NAA35: variants seen among roughly 807,000 people sequenced by gnomAD.
NAA35 encodes MAK10 homolog, amino-acid N-acetyltransferase subunit.
NAA35 carries 18 observed loss-of-function variants against 101.7 expected under a neutral mutation model. The observed-to-expected ratio is 0.18, with a 90% confidence interval of 0.12 to 0.26. NAA35 has a LOEUF of 0.26. NAA35 is among the 10% of genes least tolerant of loss of function. The pLI, the probability that NAA35 is intolerant of heterozygous loss-of-function variation, is 1.00. For missense variants in NAA35, 601 were observed against 886.8 expected (o/e 0.68, Z 4.09); for synonymous variants, 267 against 273.1 (o/e 0.98, Z 0.22).
intron 11 of NAA35, among the ~76,000 whole-genome samples, chr9:85,982,899 A>G (rs1218497175): frequency 6.6e-6 from 1 of 152,226 alleles, no homozygotes; most frequent in Non-Finnish European, 1.5e-5. Flanking sequence ...CTATCTCCAA[A>G]TAACTATTTT....
chr9:85,941,276 AG>A lies in NAA35; in HGVS notation c.-6+6del, dbSNP rs1828498727. 24 of 985,612 alleles carry A rather than the reference AG, an allele frequency of 2.4e-5. No homozygotes were observed. The highest frequency in any genetic ancestry group is 2.8e-5 in the Non-Finnish European group (23 of 830,114). 61.1% of individuals were successfully genotyped at this position (985,612 alleles called of 1,614,324 possible). A position where few individuals can be genotyped will look rare whatever the true frequency, so the allele number is the denominator to read the frequency against. ...GCGGGTGACCACGGGAGAAGTAGGT[AG>A]GGACCGCCCCTGCGTAGCCATTGAA... On this transcript the variant is annotated splice_donor_region_variant and intron_variant, in intron 1 of 22. Coordinates refer to ENST00000361671, the MANE Select transcript of NAA35 (RefSeq NM_024635.4).
At chr9:86,002,124 A>G (rs1237384212) in intron 12 of NAA35, among the ~76,000 whole-genome samples, 2 of 152,102 alleles carry the variant, frequency 1.3e-5, no homozygotes, top group African/African-American at 4.8e-5. Context: ...TTCACTTAGG[A>G]AGGTTAGTTT....
chr9:85,969,270 CAAAAAAA>C (rs61275261), intron 6 of NAA35, among the ~76,000 whole-genome samples: 3 of 105,636 alleles, frequency 2.8e-5, no homozygotes, highest in Non-Finnish European at 6.5e-5. Flanking sequence ...CCTGGTATGT[CAAAAAAA>C]AAAAAAAAAA....
chr9:85,975,747 GTATTTT>G (rs1187724413), intron 8 of NAA35, among the ~76,000 whole-genome samples: 1 of 152,026 alleles, frequency 6.6e-6, no homozygotes, highest in African/African-American at 2.4e-5. Context: ...TTTTACTATG[GTATTTT>G]AAAAATAGTA....
intron 6 of NAA35, among the ~76,000 whole-genome samples, chr9:85,967,830 T>C (rs1022387146): frequency 3.6e-4 from 54 of 152,086 alleles, no homozygotes; most frequent in Non-Finnish European, 5.9e-5. Flanking sequence ...ATGAGCAAAT[T>C]ATTGATTTAA....
At chr9:86,003,285 C>G (rs1341713944) in intron 12 of NAA35, among the ~76,000 whole-genome samples, 2 of 152,156 alleles carry the variant, frequency 1.3e-5, no homozygotes, top group African/African-American at 4.8e-5. Flanking sequence ...AACTAAAGTT[C>G]TGCCATGACT....
At chr9:85,982,551 T>C (rs1830478751) in intron 11 of NAA35, among the ~76,000 whole-genome samples, 1 of 152,206 alleles carries the variant, frequency 6.6e-6, no homozygotes, top group African/African-American at 2.4e-5. Context: ...TGGGTCTAGT[T>C]TACCCTTTAG....
intron 15 of NAA35, among the ~76,000 whole-genome samples, chr9:86,010,322 A>G (rs1466515983): frequency 6.6e-6 from 1 of 151,916 alleles, no homozygotes; most frequent in African/African-American, 2.4e-5. Flanking sequence ...TTCATCTAAT[A>G]TTTCTTGTTT....
At chr9:85,947,931 C>G (rs945562511) in intron 2 of NAA35, among the ~76,000 whole-genome samples, 6 of 152,160 alleles carry the variant, frequency 3.9e-5, no homozygotes, top group African/African-American at 1.4e-4. Flanking sequence ...TTTGAGGGCT[C>G]TTCTGCAGTG....
At chr9:85,995,652 G>A (rs1355282790) in intron 11 of NAA35, among the ~76,000 whole-genome samples, 3 of 151,978 alleles carry the variant, frequency 2.0e-5, no homozygotes, top group Non-Finnish European at 4.4e-5. Context: ...TTTTTCTTAG[G>A]TTGTGGCCAG....
chr9:85,948,883 G>C (rs1053482066), intron 2 of NAA35, among the ~76,000 whole-genome samples: 4 of 151,798 alleles, frequency 2.6e-5, no homozygotes, highest in African/African-American at 9.7e-5. Flanking sequence ...TCAGCCTCCC[G>C]GGTAGCAGGG....
intron 11 of NAA35, among the ~76,000 whole-genome samples, chr9:85,982,923 A>G (rs1830492174): frequency 6.6e-6 from 1 of 152,218 alleles, no homozygotes; most frequent in African/African-American, 2.4e-5. Context: ...CCACTGATAG[A>G]GGAAGTCAAA....
intron 11 of NAA35, among the ~76,000 whole-genome samples, chr9:85,981,071 G>T (rs917040488): frequency 6.6e-6 from 1 of 152,110 alleles, no homozygotes; most frequent in African/African-American, 2.4e-5. Flanking sequence ...GGTAATTTGG[G>T]TTAGGAAATC....
chr9:86,022,935 G>C lies in NAA35; in HGVS notation c.*975G>C, dbSNP rs1832631519. Reference sequence around the variant, plus strand: ...TTAGCAAAATGAGTTACTCTGTGGTGTAAATTGGCTTTGGTGGCTTAGCCT... The same window carrying C: ...TTAGCAAAATGAGTTACTCTGTGGTCTAAATTGGCTTTGGTGGCTTAGCCT... On this transcript the variant is annotated 3_prime_UTR_variant, in exon 23 of 23. Coordinates refer to ENST00000361671, the MANE Select transcript of NAA35 (RefSeq NM_024635.4). 1.3e-5 allele frequency among the ~76,000 whole-genome samples: 2 copies of C among 152,170 alleles called. No homozygotes were observed. The highest frequency in any genetic ancestry group is 2.9e-5 in the Non-Finnish European group (2 of 68,024).
At chr9:86,012,118 T>C (rs933005572) in intron 15 of NAA35, among the ~76,000 whole-genome samples, 3 of 132,562 alleles carry the variant, frequency 2.3e-5, no homozygotes, top group African/African-American at 8.9e-5. Flanking sequence ...AAACTTTCCC[T>C]TTTTTTTTTG....
rs1829276759 is a variant in NAA35 at position 85,956,386 on chromosome 9, G to C, written c.151G>C (p.Asp51His). The C allele has an allele frequency of 7.1e-7, 1 of 1,402,162 alleles. No individual in the cohort carries two copies. Among genetic ancestry groups the C allele is most frequent in the African/African-American group, 1.5e-5 (1 of 67,138 alleles). The allele number at this position is 1,402,162 out of a possible 1,614,324, so 86.9% of individuals were successfully genotyped here. ...ATTAAAGTTGGGAGAACTACTTCAT[G>C]ATAAGCTGTAAGTATTTATCCTTTG... ...RELKLGELLH[D>H]KLFGLFEAMS... The change falls in exon 3 of 23, where the codon GAT (aspartate) becomes CAT (histidine). Residue 51 changes from aspartate (D) to histidine (H), a missense_variant. Physicochemically the swap from Asp to His is moderately conservative, Grantham distance 81 (BLOSUM62 -1). Coordinates refer to ENST00000361671, the MANE Select transcript of NAA35 (RefSeq NM_024635.4).
chr9:85,973,641 C>T (rs113196294), intron 6 of NAA35, among the ~76,000 whole-genome samples: 8 of 151,952 alleles, frequency 5.3e-5, no homozygotes, highest in African/African-American at 1.9e-4. Flanking sequence ...AGGAAGTAGG[C>T]GTCAAGCTCC....
intron 18 of NAA35, 27 bp downstream of exon 18, chr9:86,016,702 G>T: frequency 6.3e-7 from 1 of 1,599,144 alleles, no homozygotes. Context: ...TTAAACTTAA[G>T]AACAGAGTGT....
intron 11 of NAA35, among the ~76,000 whole-genome samples, chr9:85,989,114 A>G (rs776648766): frequency 6.6e-6 from 1 of 152,224 alleles, no homozygotes; most frequent in Non-Finnish European, 1.5e-5. Flanking sequence ...TATTGGCTTC[A>G]TGGTTCTTCA....
Sources: gnomAD v4.1 joint callset for allele counts (sites outside exome capture counted in the v4.1 genomes callset) on GRCh38, gnomAD v4.1.1 for gene constraint, MANE v1.5 for transcripts, NCBI Gene and HGNC (gene_info 2026-07-23, HGNC 2026-07-21) for gene names.